The following B3GLCT variants were observed in gnomAD, a reference collection of about 807,000 sequenced individuals.
B3GLCT encodes beta-1,3-glucosyltransferase.
A neutral mutation model predicts 63.4 loss-of-function variants in B3GLCT; 65 were observed. The observed-to-expected ratio is 1.03, with a 90% CI of 0.84 to 1.26. B3GLCT has a LOEUF of 1.26. B3GLCT is among the 50% of genes most tolerant of loss of function. The pLI is 0.00. For synonymous variants in B3GLCT, 233 were observed against 219.2 expected, an observed-to-expected ratio of 1.06 and a Z score of -0.55; for missense variants, 577 against 604.8, an observed-to-expected ratio of 0.95 and a Z score of 0.48.
intron 3 of B3GLCT, among the ~76,000 whole-genome samples, chr13:31,228,165 G>T (rs908056499): frequency 2.0e-5 from 3 of 152,180 alleles, no homozygotes; most frequent in Non-Finnish European, 4.4e-5. Context: ...TGTTATAGAT[G>T]GGCTTTATGC....
intron 3 of B3GLCT, among the ~76,000 whole-genome samples, chr13:31,225,370 C>T (rs1188080967): frequency 6.6e-6 from 1 of 152,130 alleles, no homozygotes; most frequent in Non-Finnish European, 1.5e-5. Flanking sequence ...AAGACAGCTA[C>T]CAAGATAAGC....
chr13:31,263,369 G>A (rs1872136723), intron 7 of B3GLCT, among the ~76,000 whole-genome samples: 1 of 152,202 alleles, frequency 6.6e-6, no homozygotes, highest in African/African-American at 2.4e-5. Flanking sequence ...GTTGATGGAA[G>A]TGATCCTGTT....
At chr13:31,204,359 C>G (rs1217381071) in intron 1 of B3GLCT, among the ~76,000 whole-genome samples, 2 of 152,178 alleles carry the variant, frequency 1.3e-5, no homozygotes, top group Non-Finnish European at 2.9e-5. Context: ...ACCCCACCAT[C>G]GAACAATTAA....
rs867060776 is a variant in B3GLCT, at chr13:31,200,283, C to G, written c.70+129C>G. The G allele has an allele frequency of 4.9e-3, 1,765 of 363,766 alleles. 40 individuals are homozygous for G. Among genetic ancestry groups the G allele is most frequent in the African/African-American group, 0.038 (1,691 of 44,936 alleles). 22.5% of individuals were successfully genotyped at this position (363,766 alleles called of 1,614,324 possible). ...CCCTGCCCCGCCGGCGCGCGCGTCCCGCCGTCCGGTCCCCGCCGCGCCGCG... is the reference window on the plus strand; with the variant it reads ...CCCTGCCCCGCCGGCGCGCGCGTCCGGCCGTCCGGTCCCCGCCGCGCCGCG... On this transcript the variant is annotated intron_variant, in intron 1 of 14. Transcript: ENST00000343307.
intron 2 of B3GLCT, among the ~76,000 whole-genome samples, chr13:31,217,582 G>A (rs1869620509): frequency 6.6e-6 from 1 of 152,110 alleles, no homozygotes; most frequent in Non-Finnish European, 1.5e-5. Context: ...GGTTTTACAT[G>A]TAAGTCTTTA....
chr13:31,201,010 T>TA (rs11463665), intron 1 of B3GLCT, among the ~76,000 whole-genome samples: 90,056 of 143,328 alleles, frequency 0.63, 28,411 homozygotes, highest in East Asian at 0.86. Flanking sequence ...TGATAAAAGT[T>TA]AAAAAAAAAA....
intron 6 of B3GLCT, among the ~76,000 whole-genome samples, chr13:31,253,314 G>A (rs983256925): frequency 6.6e-5 from 10 of 152,010 alleles, no homozygotes; most frequent in East Asian, 3.9e-4. Flanking sequence ...AGAGAAGACC[G>A]GGTGCGGTGG....
chr13:31,278,087 AG>A (rs1872884907), intron 10 of B3GLCT, among the ~76,000 whole-genome samples: 2 of 152,144 alleles, frequency 1.3e-5, no homozygotes, highest in South Asian at 4.1e-4. Flanking sequence ...TACAGCAAGC[AG>A]GAACTGTTTG....
intron 4 of B3GLCT, among the ~76,000 whole-genome samples, chr13:31,234,682 A>G (rs1386973094): frequency 1.3e-5 from 2 of 152,020 alleles, no homozygotes; most frequent in Non-Finnish European, 2.9e-5. Flanking sequence ...GCAGAATTGT[A>G]TGTCCTCTGG....
intron 6 of B3GLCT, among the ~76,000 whole-genome samples, chr13:31,256,567 A>G (rs1871750495): frequency 6.6e-6 from 1 of 152,232 alleles, no homozygotes; most frequent in South Asian, 2.1e-4. Flanking sequence ...TGTGGCACAT[A>G]TACACCATGG....
chr13:31,219,529 A>G (rs1292660034), intron 2 of B3GLCT, among the ~76,000 whole-genome samples: 6 of 152,176 alleles, frequency 3.9e-5, no homozygotes, highest in Non-Finnish European at 5.9e-5. Context: ...TCTGAATGAC[A>G]GGCATAAGGT....
chr13:31,330,062 A>G lies in B3GLCT; in HGVS notation c.*394A>G. On this transcript the variant is annotated 3_prime_UTR_variant, in exon 15 of 15. Transcript: ENST00000343307. ...AGCCTGGAGAGATGTGACTGTCTACAGTTCTATTTGTATATATAAAAAGAA... is the reference window on the plus strand; with the variant it reads ...AGCCTGGAGAGATGTGACTGTCTACGGTTCTATTTGTATATATAAAAAGAA... 2 of 241,278 alleles carry G rather than the reference A, an allele frequency of 8.3e-6. No individual in the cohort carries two copies. The highest frequency in any genetic ancestry group is 5.6e-5 in the South Asian group (1 of 18,004). The allele number at this position is 241,278 out of a possible 1,614,324, so 14.9% of individuals were successfully genotyped here. A position where few individuals can be genotyped will look rare whatever the true frequency, so the allele number is the denominator to read the frequency against.
intron 12 of B3GLCT, 112 bp from the exon 13 acceptor site, chr13:31,317,454 T>A: frequency 1.6e-6 from 2 of 1,265,600 alleles, no homozygotes; most frequent in Non-Finnish European, 2.3e-6. Context: ...TTCTCTTAAC[T>A]ATTTCAGTTT....
At chr13:31,266,749 CCTT>C (rs1872344600) in intron 7 of B3GLCT, among the ~76,000 whole-genome samples, 1 of 152,068 alleles carries the variant, frequency 6.6e-6, no homozygotes, top group South Asian at 2.1e-4. Context: ...TCTCATCAGT[CCTT>C]CTCTGTCTCA....
At chr13:31,297,895 T>A (rs1037598737) in intron 12 of B3GLCT, among the ~76,000 whole-genome samples, 1 of 151,680 alleles carries the variant, frequency 6.6e-6, no homozygotes, top group African/African-American at 2.4e-5. Context: ...ATGTGTAGGG[T>A]GAGGTATGAG....
chr13:31,297,056 T>C (rs376637729), intron 12 of B3GLCT, among the ~76,000 whole-genome samples: 2 of 152,006 alleles, frequency 1.3e-5, no homozygotes, highest in East Asian at 3.9e-4. Context: ...CTTATTTTAC[T>C]TAGCATAATG....
chr13:31,239,204 G>A (rs907450283), intron 4 of B3GLCT, among the ~76,000 whole-genome samples: 1 of 152,140 alleles, frequency 6.6e-6, no homozygotes, highest in African/African-American at 2.4e-5. Context: ...AGGGAGGGTC[G>A]GTGAGAGTGG....
chr13:31,259,149 C>A (rs1871890830), intron 6 of B3GLCT, among the ~76,000 whole-genome samples: 1 of 152,104 alleles, frequency 6.6e-6, no homozygotes, highest in Non-Finnish European at 1.5e-5. Context: ...TTTAAAAAAT[C>A]TTTTTATCCT....
rs544925821 is a variant in B3GLCT at position 31,325,296 on chromosome 13, T to C, written c.1329+1401T>C. On this transcript the variant is annotated intron_variant, in intron 14 of 14. Transcript: ENST00000343307. The stretch of plus-strand genomic sequence containing the variant: ...GTCTTACCCACTTTAAGCCTGTGTA[T>C]TGTGTTAGGATGACTTAGGAAAGAA... Among the ~76,000 whole-genome samples the C allele has an allele frequency of 6.6e-4, 101 of 152,298 alleles. 1 individual carries two copies. The highest frequency in any genetic ancestry group is 2.3e-3 in the African/African-American group (94 of 41,582).
Sources: allele counts gnomAD v4.1 joint callset (sites outside exome capture counted in the v4.1 genomes callset), GRCh38; gene constraint gnomAD v4.1.1; transcripts MANE v1.5; gene names NCBI Gene and HGNC (gene_info 2026-07-23, HGNC 2026-07-21).